BRD9: variants seen among roughly 807,000 people sequenced by gnomAD.
BRD9 encodes the protein bromodomain-containing protein 9.
A neutral mutation model predicts 68.7 loss-of-function variants in BRD9; 47 were observed. The ratio of observed to expected loss-of-function variants is 0.68; its 90% CI spans 0.54 to 0.87. The LOEUF (loss-of-function observed/expected upper bound fraction) is 0.87, where lower values mean the gene tolerates loss of function less well. BRD9 is among the 40% of genes least tolerant of loss of function. The pLI, the probability that BRD9 is intolerant of heterozygous loss-of-function variation, is 0.00. For synonymous variants in BRD9, 313 were observed against 293.9 expected (o/e 1.06, Z -0.67); for missense variants, 670 against 748.4 (o/e 0.90, Z 1.22).
At chr5:869,681 T>C (rs1465993672) in intron 14 of BRD9, among the ~76,000 whole-genome samples, 8 of 152,244 alleles carry the variant, frequency 5.3e-5, no homozygotes, top group Admixed American at 3.3e-4. Context: ...ATGTTAACCA[T>C]GCACATTTCT....
At position 887,842 on chromosome 5, in the gene BRD9, C is replaced by T. The variant is rs568384362; in HGVS notation, c.607-371G>A. On this transcript the variant is annotated intron_variant, in intron 5 of 15. Transcript: ENST00000467963. ...AAGTCAAGGGATGAAGGCAGGCGTG[C>T]GGCACAGTGATAGCCTCTATCTCTA... Among the ~76,000 whole-genome samples, 49 of 152,282 alleles carry T rather than the reference C, an allele frequency of 3.2e-4. 1 individual carries two copies. Among genetic ancestry groups the T allele is most frequent in the South Asian group, 1.4e-3 (7 of 4,828 alleles).
At position 892,684 on chromosome 5, in the gene BRD9, G is replaced by A. The variant is rs1208182001; in HGVS notation, c.-27C>T. 1.8e-5 allele frequency: 25 copies of A among 1,396,112 alleles called. No homozygotes were observed. The highest frequency in any genetic ancestry group is 2.0e-4 in the Middle Eastern group (1 of 5,064). 86.5% of individuals were successfully genotyped at this position (1,396,112 alleles called of 1,614,324 possible). A position where few individuals can be genotyped will look rare whatever the true frequency, so the allele number is the denominator to read the frequency against. On this transcript the variant is annotated 5_prime_UTR_variant, in exon 1 of 16. Coordinates refer to ENST00000467963, the MANE Select transcript of BRD9 (RefSeq NM_023924.5). ...GCGGCGCCGGCGGCGGGCCCGAGGC[G>A]GGGGCTGGGAACAGCTGGCACCCGG...
intron 12 of BRD9, among the ~76,000 whole-genome samples, chr5:874,391 T>C (rs57654958): frequency 0.038 from 5,731 of 152,380 alleles, 339 homozygotes; most frequent in African/African-American, 0.13. Flanking sequence ...CTCATATTTT[T>C]ACGTTTTTTG....
rs768552168 is a variant in BRD9, at chr5:891,303, AAGGG to A, written c.268-20_268-17del. On this transcript the variant is annotated splice_polypyrimidine_tract_variant and intron_variant, in intron 2 of 15. Coordinates refer to ENST00000467963, the MANE Select transcript of BRD9 (RefSeq NM_023924.5). ...TCTTCTCTTCCTGGGCGGCAGAGTC[AAGGG>A]AGTGAGAAAGGCAGGAGTAGGCGGG... The A allele has an allele frequency of 1.9e-6, 3 of 1,550,066 alleles. No individual in the cohort carries two copies. Among genetic ancestry groups the A allele is most frequent in the Non-Finnish European group, 2.6e-6 (3 of 1,146,146 alleles).
chr5:886,525 A>C (rs1192753374), intron 7 of BRD9, 67 bp downstream of exon 7: 1 of 1,437,680 alleles, frequency 7.0e-7, no homozygotes, highest in African/African-American at 1.4e-5. Context: ...CTCCCCTACA[A>C]GGCACCTGCT....
At chr5:871,822 G>A (rs1476793673) in intron 12 of BRD9, among the ~76,000 whole-genome samples, 1 of 152,248 alleles carries the variant, frequency 6.6e-6, no homozygotes, top group Non-Finnish European at 1.5e-5. Flanking sequence ...GCGAGATGGA[G>A]CGGACAGAGA....
At chr5:883,146 A>G (rs1752043980) in intron 8 of BRD9, 2 of 368,016 alleles carry the variant, frequency 5.4e-6, no homozygotes, top group Admixed American at 3.5e-5. Context: ...GAGCACTGCA[A>G]CTTCCCAGCA....
intron 7 of BRD9, among the ~76,000 whole-genome samples, chr5:884,372 C>G (rs1202448016): frequency 6.6e-6 from 1 of 152,202 alleles, no homozygotes; most frequent in East Asian, 1.9e-4. Context: ...TAACAGATGC[C>G]CACACTGGTT....
chr5:876,969 C>T (rs1392924552), intron 11 of BRD9, among the ~76,000 whole-genome samples: 2 of 152,252 alleles, frequency 1.3e-5, no homozygotes, highest in Non-Finnish European at 2.9e-5. Flanking sequence ...TGCGCTGAGG[C>T]TGGCATGGGA....
At chr5:877,345 T>C (rs1424729963) in intron 11 of BRD9, among the ~76,000 whole-genome samples, 2 of 152,226 alleles carry the variant, frequency 1.3e-5, no homozygotes, top group South Asian at 2.1e-4. Flanking sequence ...GACCCCATCG[T>C]CTCCTACTAG....
At position 876,113 on chromosome 5, in the gene BRD9, G is replaced by A; in HGVS notation, c.1371C>T (p.Phe457=). 1 of 1,612,350 alleles carries A rather than the reference G, an allele frequency of 6.2e-7. No individual in the cohort carries two copies. Among genetic ancestry groups the A allele is most frequent in the Non-Finnish European group, 8.5e-7 (1 of 1,179,320 alleles). ...GAGTGCAGCCCACCTGCTTCAGCTG[G>A]AAGAGCGTCCTAGAGTGGTCTCCGC... is the stretch of plus-strand genomic sequence containing the variant. ...ITGGDHSRTL[F]QLKQRRNVPM... Residue 457 remains phenylalanine, a synonymous_variant, in exon 12 of 16, where the codon TTC becomes TTT. Transcript: ENST00000467963.
At chr5:866,734 A>G (rs914436759) in intron 14 of BRD9, among the ~76,000 whole-genome samples, 1 of 152,208 alleles carries the variant, frequency 6.6e-6, no homozygotes, top group African/African-American at 2.4e-5. Flanking sequence ...CACCTGGTGG[A>G]AGAAATTTCT....
chr5:883,780 G>A (rs1752149089), intron 8 of BRD9, 158 bp downstream of exon 8: 2 of 1,050,664 alleles, frequency 1.9e-6, no homozygotes, highest in Non-Finnish European at 2.7e-6. Flanking sequence ...GAAGAGACCA[G>A]CCTTATGTGT....
chr5:889,609 G>A lies in BRD9; in HGVS notation c.439C>T (p.His147Tyr). The A allele has an allele frequency of 1.9e-6, 3 of 1,613,724 alleles. No homozygotes were observed. The highest frequency in any genetic ancestry group is 1.1e-5 in the South Asian group (1 of 91,044). ...TACCTCTGAAGCTGGCGGAGGAAGT[G>A]TTCCAGGAGTTGCTGAATAGGTGTG... ...ESTPIQQLLE[H>Y]FLRQLQRKDP... The change falls in exon 4 of 16, where the codon CAC becomes TAC. Residue 147 changes from histidine (H) to tyrosine (Y), a missense_variant. Transcript: ENST00000467963.
intron 2 of BRD9, 166 bp from the exon 3 acceptor site, chr5:891,453 G>A: frequency 1.5e-6 from 2 of 1,313,302 alleles, no homozygotes; most frequent in Non-Finnish European, 2.0e-6. Context: ...GGCAGGGTCT[G>A]CTGAGGAACA....
rs1463914034 is a variant in BRD9, at chr5:870,534, C to T, written c.1464G>A (p.Glu488=). The change falls in exon 14 of 16, where the codon GAG becomes GAA. Residue 488 remains glutamate (E), a synonymous_variant. Coordinates refer to ENST00000467963, the MANE Select transcript of BRD9 (RefSeq NM_023924.5). Reference sequence around the variant, plus strand: ...CGGGATAGGACTTCATCGACATGAACTCCAGAACAGAGCTGCTGCTGTCTC... The same window carrying T: ...CGGGATAGGACTTCATCGACATGAATTCCAGAACAGAGCTGCTGCTGTCTC... The part of the protein sequence containing the change: ...TLGDSSSSVL[E]FMSMKSYPDV... The T allele has an allele frequency of 6.2e-7, 1 of 1,614,218 alleles. No individual in the cohort carries two copies. The highest frequency in any genetic ancestry group is 1.7e-5 in the Admixed American group (1 of 60,032).
chr5:873,809 A>G (rs1460024602), intron 12 of BRD9, among the ~76,000 whole-genome samples: 1 of 152,222 alleles, frequency 6.6e-6, no homozygotes, highest in Non-Finnish European at 1.5e-5. Context: ...CCTCCTTGGG[A>G]GCCATGAGCC....
chr5:872,189 G>A (rs1750244634), intron 12 of BRD9, among the ~76,000 whole-genome samples: 1 of 152,258 alleles, frequency 6.6e-6, no homozygotes, highest in Non-Finnish European at 1.5e-5. Context: ...CGATGCTGTA[G>A]TATATGCACT....
In BRD9 at chr5:881,431, C is replaced by A. The variant is rs533054337; in HGVS notation, c.967-249G>T. The A allele has an allele frequency of 4.3e-5, 24 of 561,454 alleles. 1 individual carries two copies. The highest frequency in any genetic ancestry group is 3.8e-4 in the African/African-American group (20 of 53,152). The allele number at this position is 561,454 out of a possible 1,614,324, so 34.8% of individuals were successfully genotyped here. A position where few individuals can be genotyped will look rare whatever the true frequency, so the allele number is the denominator to read the frequency against. On this transcript the variant is annotated intron_variant, in intron 8 of 15. Transcript: ENST00000467963. ...ATAGGGGGTACAGCTGAAACAAAAA[C>A]CTTCACCCACGAGTAAACATTTAAA... is the stretch of plus-strand genomic sequence containing the variant.
Sources: allele counts gnomAD v4.1 joint callset (sites outside exome capture counted in the v4.1 genomes callset), GRCh38; gene constraint gnomAD v4.1.1; transcripts MANE v1.5; gene names NCBI Gene and HGNC (gene_info 2026-07-23, HGNC 2026-07-21).